The following NAV2 variants were observed in gnomAD, a reference collection of about 807,000 sequenced individuals.
The protein encoded by NAV2 is helicase, APC down-regulated 1.
In NAV2, 54 loss-of-function variants were observed where a neutral mutation model predicts 223.2. That is an observed-to-expected ratio of 0.24 (90% CI 0.19 to 0.30). The LOEUF (loss-of-function observed/expected upper bound fraction) is 0.30, where lower values mean the gene tolerates loss of function less well. NAV2 is among the 10% of genes least tolerant of loss of function. The pLI, the probability that NAV2 is intolerant of heterozygous loss-of-function variation, is 1.00. For synonymous variants in NAV2, 1,279 were observed against 1,239.3 expected (o/e 1.03, Z -0.67); for missense variants, 2,806 against 3,147.5 (o/e 0.89, Z 2.60).
intron 5 of NAV2, among the ~76,000 whole-genome samples, chr11:19,890,953 G>A (rs1172340512): frequency 2.0e-5 from 3 of 152,210 alleles, no homozygotes; most frequent in Non-Finnish European, 4.4e-5. Context: ...AATTCTCACT[G>A]CAACTTGTTG....
intron 1 of NAV2, among the ~76,000 whole-genome samples, chr11:19,357,066 C>T (rs1188230927): frequency 6.6e-6 from 1 of 152,186 alleles, no homozygotes; most frequent in Non-Finnish European, 1.5e-5. Flanking sequence ...TCTATCCCAA[C>T]CTGGCTTCCA....
chr11:20,114,865 G>A (rs1258487980), intron 37 of NAV2, 70 bp downstream of exon 37: 4 of 1,436,192 alleles, frequency 2.8e-6, no homozygotes, highest in East Asian at 2.5e-5. Context: ...ATGATGCAGA[G>A]CCTCTGGAAA....
intron 1 of NAV2, among the ~76,000 whole-genome samples, chr11:19,780,623 G>A (rs766999313): frequency 3.9e-5 from 6 of 152,204 alleles, no homozygotes; most frequent in Non-Finnish European, 8.8e-5. Context: ...TTACCTCTTC[G>A]ATCTTTGGTT....
chr11:19,651,336 T>C (rs77151018), intron 1 of NAV2, among the ~76,000 whole-genome samples: 8,015 of 152,304 alleles, frequency 0.053, 510 homozygotes, highest in African/African-American at 0.14. Flanking sequence ...TTCAACCTGC[T>C]AGGCCCCAAG....
At chr11:19,704,841 T>C (rs1480498694) in intron 1 of NAV2, among the ~76,000 whole-genome samples, 1 of 151,340 alleles carries the variant, frequency 6.6e-6, no homozygotes, top group Non-Finnish European at 1.5e-5. Context: ...TGAAACCCCA[T>C]CTCTACTAAA....
intron 10 of NAV2, among the ~76,000 whole-genome samples, chr11:19,963,395 A>G (rs746630970): frequency 4.9e-4 from 75 of 152,274 alleles, no homozygotes; most frequent in Middle Eastern, 3.4e-3. Context: ...ACCCTATAGG[A>G]TGGCAGTTTA....
At chr11:19,805,963 C>A (rs556591320) in intron 1 of NAV2, among the ~76,000 whole-genome samples, 1 of 152,294 alleles carries the variant, frequency 6.6e-6, no homozygotes, top group South Asian at 2.1e-4. Context: ...TGAAACCATG[C>A]GTGTCTGATT....
chr11:19,773,385 C>T lies in NAV2; in HGVS notation c.268-59099C>T, dbSNP rs377423676. Among the ~76,000 whole-genome samples the T allele has an allele frequency of 1.8e-4, 28 of 152,272 alleles. 1 individual carries two copies. The South Asian group carries it at 5.8e-3, about 32-fold the overall frequency. On this transcript the variant is annotated intron_variant, in intron 1 of 37. Coordinates refer to ENST00000349880, the MANE Select transcript of NAV2 (RefSeq NM_145117.5). ...CAGTACCAGAACACTGGGACCCTAC[C>T]TCGTGGCTACCATGAGAGTTCAAGA...
Position 20,045,326 on chromosome 11 carries a change from A to G in NAV2, c.3558A>G (p.Thr1186=). The change falls in exon 14 of 38, where the codon ACA becomes ACG. Residue 1186 remains threonine, a synonymous_variant. Coordinates refer to ENST00000349880, the MANE Select transcript of NAV2 (RefSeq NM_145117.5). ...DDGYLALSSR[T]NLQYRSLPRP... ...GGTATCTAGCCCTAAGCTCCCGGAC[A>G]AACCTTCAGTACCGGAGTTTGCCGA... is the stretch of plus-strand genomic sequence containing the variant. The G allele has an allele frequency of 6.2e-7, 1 of 1,614,180 alleles. No individual in the cohort carries two copies. The highest frequency in any genetic ancestry group is 1.3e-5 in the African/African-American group (1 of 75,060).
intron 1 of NAV2, among the ~76,000 whole-genome samples, chr11:19,600,232 G>T (rs1343288886): frequency 6.6e-6 from 1 of 152,110 alleles, no homozygotes; most frequent in South Asian, 2.1e-4. Flanking sequence ...ATTGGGTGTG[G>T]TTTTCTCCTG....
In NAV2 at chr11:19,516,462, A is replaced by T. The variant is rs73420104; in HGVS notation, c.75+165435A>T. The stretch of plus-strand genomic sequence containing the variant: ...TAAGTTGTGAACACTTTTAAGGCTG[A>T]TTTATTTACAACCTATAGGATTGTG... On this transcript the variant is annotated intron_variant, in intron 1 of 37. Coordinates refer to the NAV2 transcript ENST00000360655. Among the ~76,000 whole-genome samples, 889 of 152,316 alleles carry T rather than the reference A, an allele frequency of 5.8e-3. 10 individuals carry two copies. The highest frequency in any genetic ancestry group is 0.02 in the African/African-American group (841 of 41,560).
chr11:19,883,413 T>C (rs2063340161), intron 5 of NAV2, among the ~76,000 whole-genome samples: 1 of 152,170 alleles, frequency 6.6e-6, no homozygotes, highest in Non-Finnish European at 1.5e-5. Flanking sequence ...TTTCACCCTG[T>C]GAAATTCCCC....
At chr11:19,352,493 G>T (rs1383008321) in intron 1 of NAV2, among the ~76,000 whole-genome samples, 1 of 152,284 alleles carries the variant, frequency 6.6e-6, no homozygotes, top group East Asian at 1.9e-4. Flanking sequence ...TGGCTGTGTT[G>T]GGTCCACATG....
chr11:20,069,789 A>G (rs1443279742), intron 22 of NAV2, among the ~76,000 whole-genome samples: 1 of 152,120 alleles, frequency 6.6e-6, no homozygotes, highest in African/African-American at 2.4e-5. Context: ...TCAACTAGAA[A>G]ACTGAGCCAG....
chr11:19,603,644 AAAAAAG>A (rs2046406905), intron 1 of NAV2, among the ~76,000 whole-genome samples: 4 of 151,588 alleles, frequency 2.6e-5, no homozygotes, highest in South Asian at 2.1e-4. Flanking sequence ...AAAAAAAAAA[AAAAAAG>A]AAAAAAGAAA....
chr11:19,413,020 C>T (rs1850212261), intron 1 of NAV2, among the ~76,000 whole-genome samples: 1 of 152,184 alleles, frequency 6.6e-6, no homozygotes, highest in South Asian at 2.1e-4. Flanking sequence ...ACCTCTTCCC[C>T]TACAAAGGAT....
chr11:20,089,886 C>T (rs1428717833), intron 26 of NAV2, among the ~76,000 whole-genome samples: 1 of 152,122 alleles, frequency 6.6e-6, no homozygotes, highest in Non-Finnish European at 1.5e-5. Flanking sequence ...CAACAGGGTC[C>T]CATGGTGACC....
intron 11 of NAV2, among the ~76,000 whole-genome samples, chr11:20,023,699 G>GGTGGGTGGGTGTGTGTGTGTGT (rs1554902315): frequency 6.9e-6 from 1 of 144,572 alleles, no homozygotes; most frequent in Non-Finnish European, 1.5e-5. Flanking sequence ...CAAATTGCTG[G>GGTGGGTGGGTGTGTGTGTGTGT]GTGTGTGTGT....
At chr11:19,922,524 C>T (rs1041881770) in intron 6 of NAV2, among the ~76,000 whole-genome samples, 4 of 152,134 alleles carry the variant, frequency 2.6e-5, no homozygotes, top group Admixed American at 6.5e-5. Context: ...TTACAGTCAC[C>T]TGGGGAGCTA....
Sources: allele counts gnomAD v4.1 joint callset (sites outside exome capture counted in the v4.1 genomes callset), GRCh38; gene constraint gnomAD v4.1.1; transcripts MANE v1.5; gene names NCBI Gene and HGNC (gene_info 2026-07-23, HGNC 2026-07-21).